Variants in RNF169 observed in about 807,000 individuals in gnomAD.
The protein encoded by RNF169 is ring finger protein 169, also known as E3 ubiquitin-protein ligase RNF169.
A neutral mutation model predicts 53.9 loss-of-function variants in RNF169; 24 were observed. That is an observed-to-expected ratio of 0.45 (90% CI 0.32 to 0.63). The LOEUF (loss-of-function observed/expected upper bound fraction) is 0.63. RNF169 is among the 20% of genes least tolerant of loss of function. The pLI is 0.04. For synonymous variants in RNF169, 396 were observed against 363.5 expected (o/e 1.09, Z -1.02); for missense variants, 883 against 906.2 (o/e 0.97, Z 0.33).
At chr11:74,778,592 TAC>T (rs2135335548) in intron 1 of RNF169, among the ~76,000 whole-genome samples, 1 of 152,304 alleles carries the variant, frequency 6.6e-6, no homozygotes, top group South Asian at 2.1e-4. Context: ...CTGGGGGCTT[TAC>T]ATACAGGGAG....
intron 2 of RNF169, among the ~76,000 whole-genome samples, chr11:74,806,397 G>A (rs1452111776): frequency 6.6e-6 from 1 of 152,182 alleles, no homozygotes; most frequent in Non-Finnish European, 1.5e-5. Flanking sequence ...CGTGTAATCT[G>A]TACAACCAGT....
chr11:74,833,844 T>C (rs1219758050), intron 4 of RNF169, among the ~76,000 whole-genome samples: 1 of 152,156 alleles, frequency 6.6e-6, no homozygotes, highest in Non-Finnish European at 1.5e-5. Flanking sequence ...GATTCACATA[T>C]GATCCTGGGA....
chr11:74,773,590 G>A (rs899759091), intron 1 of RNF169, among the ~76,000 whole-genome samples: 2 of 152,124 alleles, frequency 1.3e-5, no homozygotes, highest in African/African-American at 4.8e-5. Flanking sequence ...ATTCTTACAT[G>A]TTTATTTTTC....
In RNF169 at chr11:74,837,973, G is replaced by C. The variant is rs1684163698; in HGVS notation, c.*1243G>C. 1 of 152,208 alleles carries C rather than the reference G, an allele frequency of 6.6e-6. No homozygotes were observed. The highest frequency in any genetic ancestry group is 6.5e-5 in the Admixed American group (1 of 15,286). The allele number at this position is 152,208 out of a possible 1,614,324, so 9.4% of individuals were successfully genotyped here. A position where few individuals can be genotyped will look rare whatever the true frequency, so the allele number is the denominator to read the frequency against. On this transcript the variant is annotated 3_prime_UTR_variant, in exon 6 of 6. Coordinates refer to ENST00000299563, the MANE Select transcript of RNF169 (RefSeq NM_001098638.2). Reference sequence around the variant, plus strand: ...TGGGCTGGCATGCCCCATGTAGTATGAGTTACTATATAAAGTCATGTGACT... The same window carrying C: ...TGGGCTGGCATGCCCCATGTAGTATCAGTTACTATATAAAGTCATGTGACT...
chr11:74,820,904 A>C (rs2036000544), intron 4 of RNF169, among the ~76,000 whole-genome samples: 1 of 146,928 alleles, frequency 6.8e-6, no homozygotes, highest in Non-Finnish European at 1.5e-5. Flanking sequence ...TGCCATGTTG[A>C]GTTCTTAGCA....
At chr11:74,762,001 T>A (rs2035091782) in intron 1 of RNF169, among the ~76,000 whole-genome samples, 1 of 142,650 alleles carries the variant, frequency 7.0e-6, no homozygotes. Context: ...CTTTGCTCAT[T>A]TCTTTTTATT....
At position 74,840,521 on chromosome 11, in the gene RNF169, T is replaced by G. The variant is rs1457625133; in HGVS notation, c.*3791T>G. On this transcript the variant is annotated 3_prime_UTR_variant, in exon 6 of 6. Coordinates refer to ENST00000299563, the MANE Select transcript of RNF169 (RefSeq NM_001098638.2). The stretch of plus-strand genomic sequence containing the variant: ...TGCTTTTAGCTTAAGCCCCAAGAAG[T>G]GAGGTGGGTTGTGGATCACTGACAT... 1 of 152,226 alleles carries G rather than the reference T, an allele frequency of 6.6e-6. No individual in the cohort carries two copies. Among genetic ancestry groups the G allele is most frequent in the African/African-American group, 2.4e-5 (1 of 41,454 alleles). 9.4% of individuals were successfully genotyped at this position (152,226 alleles called of 1,614,324 possible). A position where few individuals can be genotyped will look rare whatever the true frequency, so the allele number is the denominator to read the frequency against.
chr11:74,764,360 C>G (rs926593141), intron 1 of RNF169, among the ~76,000 whole-genome samples: 4 of 152,054 alleles, frequency 2.6e-5, no homozygotes, highest in African/African-American at 7.2e-5. Flanking sequence ...ATGTTGAAAC[C>G]CTGTCTCTAC....
intron 2 of RNF169, among the ~76,000 whole-genome samples, chr11:74,794,353 T>C (rs1367273267): frequency 6.6e-6 from 1 of 152,170 alleles, no homozygotes; most frequent in Non-Finnish European, 1.5e-5. Flanking sequence ...TTTTGGATGA[T>C]GGATCTAGGT....
chr11:74,813,414 C>T (rs956243318), intron 3 of RNF169, among the ~76,000 whole-genome samples: 1 of 152,106 alleles, frequency 6.6e-6, no homozygotes, highest in Non-Finnish European at 1.5e-5. Flanking sequence ...TAATTTATTA[C>T]AATTTGTTAT....
chr11:74,822,550 G>T (rs186965699), intron 4 of RNF169, among the ~76,000 whole-genome samples: 7 of 152,320 alleles, frequency 4.6e-5, no homozygotes, highest in Non-Finnish European at 1.0e-4. Flanking sequence ...TTCTATGGCA[G>T]AGTAGAGTAA....
chr11:74,755,975 A>T (rs1376786992), intron 1 of RNF169, among the ~76,000 whole-genome samples: 2 of 152,158 alleles, frequency 1.3e-5, no homozygotes, highest in African/African-American at 2.4e-5. Context: ...TTAGAAAGAC[A>T]ATATATATTG....
intron 2 of RNF169, chr11:74,808,039 G>A (rs1438545232): frequency 2.0e-5 from 3 of 152,154 alleles, no homozygotes; most frequent in African/African-American, 7.2e-5. Context: ...AGCAACACAA[G>A]TGCGTTGTCA....
intron 1 of RNF169, among the ~76,000 whole-genome samples, chr11:74,750,342 C>T (rs900939252): frequency 6.6e-6 from 1 of 152,110 alleles, no homozygotes; most frequent in Non-Finnish European, 1.5e-5. Flanking sequence ...ACATAAATCA[C>T]GAAAGGCCAG....
intron 3 of RNF169, among the ~76,000 whole-genome samples, chr11:74,814,084 G>A (rs1250308689): frequency 6.6e-6 from 1 of 152,030 alleles, no homozygotes; most frequent in Admixed American, 6.5e-5. Context: ...ACTTTGGGAG[G>A]CTGAGGTGGG....
chr11:74,785,233 A>G (rs2035479875), intron 1 of RNF169, among the ~76,000 whole-genome samples: 2 of 100,740 alleles, frequency 2.0e-5, no homozygotes, highest in Admixed American at 2.3e-4. Context: ...TATATATATT[A>G]TATATATGTT....
At chr11:74,817,384 G>C (rs1358688765) in intron 3 of RNF169, among the ~76,000 whole-genome samples, 1 of 152,210 alleles carries the variant, frequency 6.6e-6, no homozygotes, top group Non-Finnish European at 1.5e-5. Flanking sequence ...ATGGGTTGGT[G>C]ATGGGGCTTA....
intron 1 of RNF169, among the ~76,000 whole-genome samples, chr11:74,776,731 A>G (rs1406506137): frequency 6.6e-6 from 1 of 152,220 alleles, no homozygotes; most frequent in Non-Finnish European, 1.5e-5. Context: ...TGCAAAGGAG[A>G]GAGCAGTGAA....
intron 2 of RNF169, among the ~76,000 whole-genome samples, chr11:74,799,895 A>C (rs929483950): frequency 1.3e-5 from 2 of 151,472 alleles, no homozygotes; most frequent in Admixed American, 1.3e-4. Context: ...TCAAAAATTT[A>C]AGCTTAAGAC....
Sources: gnomAD v4.1 joint callset for allele counts (sites outside exome capture counted in the v4.1 genomes callset) on GRCh38, gnomAD v4.1.1 for gene constraint, MANE v1.5 for transcripts, NCBI Gene and HGNC (gene_info 2026-07-23, HGNC 2026-07-21) for gene names.